Variants in DOCK1 observed in about 807,000 individuals in gnomAD.
The protein encoded by DOCK1 is dedicator of cytokinesis 1, also known as dedicator of cytokinesis protein 1.
In DOCK1, 138 loss-of-function variants were observed where a neutral mutation model predicts 262.7. That is an observed-to-expected ratio of 0.53 (90% CI 0.46 to 0.61). The LOEUF is 0.61. Ranked by LOEUF, DOCK1 falls within the 20% of genes least tolerant of loss-of-function variation. The pLI is 0.00. For missense variants in DOCK1, 1,908 were observed against 2,370.7 expected, an observed-to-expected ratio of 0.80 and a Z score of 4.05; for synonymous variants, 866 against 867.4, an observed-to-expected ratio of 1.00 and a Z score of 0.03.
chr10:127,039,190 T>C (rs1298267633), intron 19 of DOCK1, among the ~76,000 whole-genome samples: 1 of 152,222 alleles, frequency 6.6e-6, no homozygotes, highest in Non-Finnish European at 1.5e-5. Flanking sequence ...TTTAATCATC[T>C]TCTCAGTCCT....
Position 127,146,035 on chromosome 10 carries a change from C to T in DOCK1, c.2847+18271C>T, listed in dbSNP as rs115515926. Reference sequence around the variant, plus strand: ...ACTCTATTCCCCATGGAATTTCATACGACCCAGCCCTAGACATCGTGGCCA... The same window carrying T: ...ACTCTATTCCCCATGGAATTTCATATGACCCAGCCCTAGACATCGTGGCCA... On this transcript the variant is annotated intron_variant, in intron 27 of 51. Coordinates refer to ENST00000623213, the MANE Select transcript of DOCK1 (RefSeq NM_001290223.2). 3,478 of 518,332 alleles carry T rather than the reference C, an allele frequency of 6.7e-3. 27 individuals are homozygous for T. The highest frequency in any genetic ancestry group is 0.03 in the African/African-American group (1,582 of 52,030). 32.1% of individuals were successfully genotyped at this position (518,332 alleles called of 1,614,324 possible).
chr10:127,398,829 T>G (rs957475167), intron 38 of DOCK1, among the ~76,000 whole-genome samples: 1 of 152,206 alleles, frequency 6.6e-6, no homozygotes, highest in African/African-American at 2.4e-5. Flanking sequence ...TTTCATCTGC[T>G]GCTGTTCCCT....
At chr10:127,384,541 G>A (rs1360759314) in intron 37 of DOCK1, among the ~76,000 whole-genome samples, 1 of 152,176 alleles carries the variant, frequency 6.6e-6, no homozygotes, top group Admixed American at 6.5e-5. Context: ...TGCCAGTTCC[G>A]TGCTTTGCAG....
rs376552858 is a variant in DOCK1, at chr10:127,038,875, C to T, written c.2010+1059C>T. Among the ~76,000 whole-genome samples the T allele has an allele frequency of 2.6e-5, 4 of 152,264 alleles. No individual in the cohort carries two copies. The East Asian group carries it at 5.8e-4, about 22-fold the overall frequency. ...TTTGCTGGGGCAACTTTTCCTTGTACGTGAGGAAGCGAATTTCCATTTTTA... is the reference window on the plus strand; with the variant it reads ...TTTGCTGGGGCAACTTTTCCTTGTATGTGAGGAAGCGAATTTCCATTTTTA... On this transcript the variant is annotated intron_variant, in intron 19 of 51. Transcript: ENST00000623213.
At chr10:126,950,653 G>A (rs1298631368) in intron 1 of DOCK1, among the ~76,000 whole-genome samples, 2 of 152,110 alleles carry the variant, frequency 1.3e-5, no homozygotes, top group African/African-American at 2.4e-5. Context: ...TGTTCTCAGA[G>A]CAAGGCCACA....
chr10:127,308,053 C>T (rs147123758), intron 29 of DOCK1, among the ~76,000 whole-genome samples: 2 of 152,230 alleles, frequency 1.3e-5, no homozygotes, highest in Non-Finnish European at 2.9e-5. Context: ...TGCTGGATGA[C>T]GTTGCTGTTT....
At chr10:126,913,905 G>T (rs12221273) in intron 1 of DOCK1, among the ~76,000 whole-genome samples, 1 of 152,178 alleles carries the variant, frequency 6.6e-6, no homozygotes, top group African/African-American at 2.4e-5. Flanking sequence ...TTTACCTTAA[G>T]CCTGAGTTTC....
chr10:127,444,206 C>T lies in DOCK1; in HGVS notation c.5340C>T (p.Pro1780=). The change falls in exon 50 of 52, where the codon CCC becomes CCT. Residue 1780 remains proline (P), a synonymous_variant. Transcript: ENST00000623213. ...GCGAAAGGCGCTTCTCGGTGTCCCC[C>T]TCGTCACCGTCCTCCCAGCAAACAC... The part of the protein sequence containing the change: ...IGSERRFSVS[P]SSPSSQQTPP... 6.2e-7 allele frequency: 1 copy of T among 1,610,664 alleles called. No individual in the cohort carries two copies. The highest frequency in any genetic ancestry group is 1.7e-4 in the Middle Eastern group (1 of 6,058).
intron 27 of DOCK1, among the ~76,000 whole-genome samples, chr10:127,170,172 C>T (rs534588810): frequency 6.6e-6 from 1 of 152,208 alleles, no homozygotes; most frequent in African/African-American, 2.4e-5. Context: ...GCCACCCTTC[C>T]TGCAAGGTAC....
intron 4 of DOCK1, among the ~76,000 whole-genome samples, chr10:126,984,632 G>A (rs544136378): frequency 6.6e-6 from 1 of 152,102 alleles, no homozygotes; most frequent in Admixed American, 6.5e-5. Context: ...GCCTCCCAAA[G>A]TGCTGGGATT....
At chr10:126,962,118 C>CTCCCAA (rs1203683736) in intron 1 of DOCK1, among the ~76,000 whole-genome samples, 1 of 151,944 alleles carries the variant, frequency 6.6e-6, no homozygotes, top group Non-Finnish European at 1.5e-5. Flanking sequence ...CTGCCTCAGT[C>CTCCCAA]TCCCAAGTAG....
intron 7 of DOCK1, 59 bp downstream of exon 7, chr10:126,996,942 A>G: frequency 6.7e-7 from 1 of 1,496,052 alleles, no homozygotes; most frequent in South Asian, 1.4e-5. Flanking sequence ...TTTCAACATT[A>G]GTAAAGTATC....
intron 27 of DOCK1, among the ~76,000 whole-genome samples, chr10:127,202,075 C>T (rs1307791608): frequency 6.6e-6 from 1 of 152,106 alleles, no homozygotes; most frequent in Non-Finnish European, 1.5e-5. Flanking sequence ...GTAATCCGAG[C>T]ATTTTGGGAG....
intron 27 of DOCK1, among the ~76,000 whole-genome samples, chr10:127,223,655 C>T (rs1487830214): frequency 1.3e-5 from 2 of 152,162 alleles, no homozygotes; most frequent in Non-Finnish European, 2.9e-5. Flanking sequence ...AGGGATACTC[C>T]ACTTTTATTC....
intron 6 of DOCK1, among the ~76,000 whole-genome samples, chr10:126,992,826 G>GTTCAGGT: frequency 6.6e-6 from 1 of 151,836 alleles, no homozygotes; most frequent in Non-Finnish European, 1.5e-5. Context: ...ATGATTTCAG[G>GTTCAGGT]TGGGGAGGTC....
intron 44 of DOCK1, among the ~76,000 whole-genome samples, chr10:127,417,044 G>T (rs114656582): frequency 0.013 from 1,918 of 152,284 alleles, 32 homozygotes; most frequent in African/African-American, 0.044. Flanking sequence ...GGTTGCTGAC[G>T]GACAGAATCG....
At chr10:127,124,425 A>G (rs1221605525) in intron 25 of DOCK1, among the ~76,000 whole-genome samples, 1 of 152,218 alleles carries the variant, frequency 6.6e-6, no homozygotes, top group Non-Finnish European at 1.5e-5. Flanking sequence ...TAGATAGTCC[A>G]TGCTGGAGAG....
chr10:127,118,548 CAT>C (rs1245187269), intron 25 of DOCK1, among the ~76,000 whole-genome samples: 5 of 152,176 alleles, frequency 3.3e-5, no homozygotes, highest in Admixed American at 6.5e-5. Context: ...GTCCAGAAAA[CAT>C]ATATTTGACA....
chr10:127,187,718 A>G (rs2056402799), intron 27 of DOCK1, among the ~76,000 whole-genome samples: 1 of 138,974 alleles, frequency 7.2e-6, no homozygotes, highest in South Asian at 2.6e-4. Flanking sequence ...AAAAACAAGG[A>G]GAAGAAAGAG....
Sources: allele counts gnomAD v4.1 joint callset (sites outside exome capture counted in the v4.1 genomes callset), GRCh38; gene constraint gnomAD v4.1.1; transcripts MANE v1.5; gene names NCBI Gene and HGNC (gene_info 2026-07-23, HGNC 2026-07-21).